MSANTD3: variants seen among roughly 807,000 people sequenced by gnomAD.
MSANTD3 encodes the protein myb/SANT-like DNA-binding domain-containing protein 3.
MSANTD3 carries 11 observed loss-of-function variants against 27.7 expected under a neutral mutation model. That is an observed-to-expected ratio of 0.40 (90% CI 0.25 to 0.66). The LOEUF is 0.66. MSANTD3 is among the 30% of genes least tolerant of loss of function. The pLI is 0.41. For missense variants in MSANTD3, 250 were observed against 336.5 expected (o/e 0.74, Z 2.01); for synonymous variants, 131 against 127.2 (o/e 1.03, Z -0.20).
intron 2 of MSANTD3, chr9:100,449,024 AT>A (rs1477686054): frequency 1.1e-5 from 11 of 985,254 alleles, no homozygotes; most frequent in Non-Finnish European, 1.3e-5. Context: ...CATTCCCAGC[AT>A]CTCATCTTCC....
In MSANTD3 at chr9:100,450,876, A is replaced by C. The variant is rs1292127182; in HGVS notation, c.738A>C (p.Lys246Asn). The C allele has an allele frequency of 6.2e-7, 1 of 1,614,022 alleles. No individual in the cohort carries two copies. Among genetic ancestry groups the C allele is most frequent in the East Asian group, 2.2e-5 (1 of 44,882 alleles). Residue 246 changes from lysine to asparagine, a missense_variant, in exon 3 of 3, where the codon AAA becomes AAC. By Grantham distance (94) the Lys-to-Asn change is moderately conservative (BLOSUM62 0). Coordinates refer to ENST00000395067, the MANE Select transcript of MSANTD3 (RefSeq NM_080655.3). ...GGATAAAAATGGAAGTTCTCAATAAAAAGAAGATGTATTGGGAAAGAAAAC... is the reference window on the plus strand; with the variant it reads ...GGATAAAAATGGAAGTTCTCAATAACAAGAAGATGTATTGGGAAAGAAAAC... ...EHRIKMEVLNKKKMYWERKLQ... is the reference protein window; with the variant it reads ...EHRIKMEVLNNKKMYWERKLQ...
At chr9:100,441,777 T>A in intron 1 of MSANTD3, 129 bp from the exon 2 acceptor site, 1 of 1,090,434 alleles carries the variant, frequency 9.2e-7, no homozygotes, top group South Asian at 1.8e-5. Context: ...AATATCATAA[T>A]TCAACCTTAA....
chr9:100,449,161 T>C (rs1404497694), intron 2 of MSANTD3: 2 of 985,432 alleles, frequency 2.0e-6, no homozygotes, highest in East Asian at 2.3e-4. Context: ...GAGTCACAGC[T>C]ACAAGACTCC....
At position 100,442,276 on chromosome 9, in the gene MSANTD3, G is replaced by A. The variant is rs776289828; in HGVS notation, c.338G>A (p.Ser113Asn). The A allele has an allele frequency of 1.2e-6, 2 of 1,614,166 alleles. No individual in the cohort carries two copies. Among genetic ancestry groups the A allele is most frequent in the South Asian group, 1.1e-5 (1 of 91,086 alleles). Residue 113 changes from serine (S) to asparagine (N), a missense_variant, in exon 2 of 3, where the codon AGC (serine) becomes AAC (asparagine). By Grantham distance (46) the Ser-to-Asn change is conservative. Around this residue, in one of 3 missense-constraint regions of MSANTD3, gnomAD observed 235 missense variants for 299.3 expected, o/e 0.79. Coordinates refer to ENST00000395067, the MANE Select transcript of MSANTD3 (RefSeq NM_080655.3). The stretch of plus-strand genomic sequence containing the variant: ...GTCCTAGGGAAGGAGAAGATCGCCA[G>A]CATGCTGCCGGAGCAGCTCTACTTC... Reference protein sequence around the residue: ...THVLGKEKIASMLPEQLYFLQ... With the variant: ...THVLGKEKIANMLPEQLYFLQ...
rs558307983 is a variant in MSANTD3 at position 100,434,458 on chromosome 9, A to C, written c.-34+7065A>C. 9.9e-5 allele frequency among the ~76,000 whole-genome samples: 15 copies of C among 152,200 alleles called. No individual in the cohort carries two copies. The East Asian group carries it at 2.7e-3, about 27-fold the overall frequency. On this transcript the variant is annotated intron_variant, in intron 1 of 2. Coordinates refer to ENST00000395067, the MANE Select transcript of MSANTD3 (RefSeq NM_080655.3). ...AGCAGGAGTATTGTTTGAACCCAGG[A>C]GGCGGAGGTTGCAGTGAGCCGAGAT... is the stretch of plus-strand genomic sequence containing the variant.
intron 1 of MSANTD3, among the ~76,000 whole-genome samples, chr9:100,430,596 A>G (rs1287697113): frequency 2.0e-5 from 3 of 152,168 alleles, no homozygotes; most frequent in East Asian, 1.9e-4. Flanking sequence ...GTGTTTTAGG[A>G]AGATCCCTGT....
intron 2 of MSANTD3, among the ~76,000 whole-genome samples, chr9:100,449,438 GT>G (rs1443919318): frequency 3.3e-5 from 5 of 152,208 alleles, no homozygotes; most frequent in African/African-American, 1.2e-4. Context: ...GTTAAGTGCT[GT>G]AACAGAAGAG....
Position 100,450,607 on chromosome 9 carries a change from A to G in MSANTD3, c.469A>G (p.Ile157Val), listed in dbSNP as rs561876764. The G allele has an allele frequency of 1.9e-6, 3 of 1,603,154 alleles. No individual in the cohort carries two copies. Among genetic ancestry groups the G allele is most frequent in the South Asian group, 2.3e-5 (2 of 88,448 alleles). ...RELCDDEKEF[I>V]HFPVCEGTSQ... Reference sequence around the variant, plus strand: ...ACTGTGCGATGATGAGAAAGAGTTCATACATTTTCCAGTATGTGAGGGGAC... The same window carrying G: ...ACTGTGCGATGATGAGAAAGAGTTCGTACATTTTCCAGTATGTGAGGGGAC... Residue 157 changes from isoleucine to valine, a missense_variant, in exon 3 of 3, where the codon ATA becomes GTA. Ile to Val is a conservative substitution (Grantham distance 29). This residue lies in a region of MSANTD3 where 235 missense variants were observed against 299.3 expected (regional missense o/e 0.79). Coordinates refer to ENST00000395067, the MANE Select transcript of MSANTD3 (RefSeq NM_080655.3).
At chr9:100,428,950 A>G (rs1836302777) in intron 1 of MSANTD3, among the ~76,000 whole-genome samples, 1 of 152,128 alleles carries the variant, frequency 6.6e-6, no homozygotes, top group Non-Finnish European at 1.5e-5. Context: ...CAGGCACTGC[A>G]CCTGTGGGGA....
Position 100,442,248 on chromosome 9 carries a change from C to T in MSANTD3, c.310C>T (p.His104Tyr), listed in dbSNP as rs771269990. The T allele has an allele frequency of 1.9e-6, 3 of 1,614,028 alleles. No individual in the cohort carries two copies. The highest frequency in any genetic ancestry group is 1.6e-4 in the Middle Eastern group (1 of 6,084). Residue 104 changes from histidine to tyrosine, a missense_variant, in exon 2 of 3, where the codon CAC becomes TAC. By Grantham distance (83) the His-to-Tyr change is moderately conservative (BLOSUM62 2). This residue lies in a region of MSANTD3 where 235 missense variants were observed against 299.3 expected (regional missense o/e 0.79). Transcript: ENST00000395067. ...KRSVSPLLST[H>Y]VLGKEKIASM... Reference sequence around the variant, plus strand: ...GAGCGTCAGCCCTCTCCTGAGTACCCACGTCCTAGGGAAGGAGAAGATCGC... The same window carrying T: ...GAGCGTCAGCCCTCTCCTGAGTACCTACGTCCTAGGGAAGGAGAAGATCGC...
intron 1 of MSANTD3, among the ~76,000 whole-genome samples, chr9:100,428,112 C>T (rs145811485): frequency 6.6e-6 from 1 of 152,198 alleles, no homozygotes; most frequent in East Asian, 1.9e-4. Flanking sequence ...GAGGTAGTTA[C>T]TGTAAATTGC....
chr9:100,437,301 C>T (rs113682026), intron 1 of MSANTD3, among the ~76,000 whole-genome samples: 8 of 152,106 alleles, frequency 5.3e-5, no homozygotes, highest in Non-Finnish European at 7.3e-5. Flanking sequence ...GGCCCTTTCC[C>T]GGCTGATGAT....
chr9:100,432,314 C>G (rs1836394161), intron 1 of MSANTD3, among the ~76,000 whole-genome samples: 1 of 152,078 alleles, frequency 6.6e-6, no homozygotes, highest in African/African-American at 2.4e-5. Context: ...CCATCCTGGG[C>G]ACACAGGTAT....
intron 1 of MSANTD3, among the ~76,000 whole-genome samples, chr9:100,429,208 G>A (rs934161095): frequency 4.6e-5 from 7 of 152,214 alleles, no homozygotes; most frequent in Admixed American, 3.3e-4. Context: ...AGGTGGGTAC[G>A]TAGCGATGGT....
intron 1 of MSANTD3, among the ~76,000 whole-genome samples, chr9:100,432,320 G>A (rs1270371701): frequency 6.6e-6 from 1 of 152,160 alleles, no homozygotes; most frequent in Non-Finnish European, 1.5e-5. Context: ...TGGGCACACA[G>A]GTATGTACAT....
In MSANTD3 at chr9:100,450,796, G is replaced by C. The variant is rs764644770; in HGVS notation, c.658G>C (p.Val220Leu). The C allele has an allele frequency of 1.2e-6, 2 of 1,614,180 alleles. No homozygotes were observed. The highest frequency in any genetic ancestry group is 1.7e-6 in the Non-Finnish European group (2 of 1,180,012). ...LQLIQMNEVH[V>L]AKIQQIEREC... ...ACTGATACAAATGAATGAGGTGCAT[G>C]TGGCCAAAATCCAGCAGATAGAGCG... Residue 220 changes from valine to leucine, a missense_variant, in exon 3 of 3, where the codon GTG (valine) becomes CTG (leucine). Val to Leu is a conservative substitution (Grantham distance 32). This residue lies in a region of MSANTD3 where 235 missense variants were observed against 299.3 expected (regional missense o/e 0.79). Coordinates refer to ENST00000395067, the MANE Select transcript of MSANTD3 (RefSeq NM_080655.3).
intron 1 of MSANTD3, among the ~76,000 whole-genome samples, chr9:100,430,860 A>G (rs1002467374): frequency 6.6e-6 from 1 of 152,070 alleles, no homozygotes; most frequent in Non-Finnish European, 1.5e-5. Flanking sequence ...GGCTATGGAG[A>G]GTTGGAGTTT....
chr9:100,428,680 C>T (rs762201924), intron 1 of MSANTD3, among the ~76,000 whole-genome samples: 106 of 152,258 alleles, frequency 7.0e-4, no homozygotes, highest in Non-Finnish European at 1.4e-3. Flanking sequence ...GATGGAGGGT[C>T]AGGTGATTGG....
intron 1 of MSANTD3, among the ~76,000 whole-genome samples, chr9:100,429,859 C>T (rs893206862): frequency 8.6e-5 from 13 of 151,932 alleles, no homozygotes; most frequent in African/African-American, 2.9e-4. Flanking sequence ...CCTACCACCA[C>T]GCCCAGCTAA....
Sources: gnomAD v4.1 joint callset for allele counts (sites outside exome capture counted in the v4.1 genomes callset) on GRCh38, gnomAD v4.1.1 for gene constraint, gnomAD v4.1.1 regional missense constraint, MANE v1.5 for transcripts, NCBI Gene and HGNC (gene_info 2026-07-23, HGNC 2026-07-21) for gene names.